TECRL: variants seen among roughly 807,000 people sequenced by gnomAD.
TECRL encodes the protein trans-2,3-enoyl-CoA reductase-like.
A neutral mutation model predicts 52.8 loss-of-function variants in TECRL; 63 were observed. The observed-to-expected ratio is 1.19, with a 90% CI of 0.97 to 1.47. TECRL has a LOEUF of 1.47. Among genes scored for constraint, TECRL ranks in the 40% most tolerant of loss-of-function variants. The pLI is 0.00. For synonymous variants in TECRL, 164 were observed against 141.9 expected, an observed-to-expected ratio of 1.16 and a Z score of -1.10; for missense variants, 482 against 429.6, an observed-to-expected ratio of 1.12 and a Z score of -1.08.
chr4:64,338,068 T>C (rs1429757731), intron 2 of TECRL, among the ~76,000 whole-genome samples: 1 of 152,168 alleles, frequency 6.6e-6, no homozygotes, highest in East Asian at 1.9e-4. Context: ...AGCATGGTAC[T>C]GGTACCAAAA....
At chr4:64,381,664 C>T (rs906530352) in intron 1 of TECRL, among the ~76,000 whole-genome samples, 11 of 151,824 alleles carry the variant, frequency 7.2e-5, no homozygotes, top group African/African-American at 2.7e-4. Context: ...TGCATTTTAT[C>T]CTTCAATCTG....
intron 9 of TECRL, among the ~76,000 whole-genome samples, chr4:64,285,633 T>C (rs1723041383): frequency 6.6e-6 from 1 of 152,116 alleles, no homozygotes; most frequent in African/African-American, 2.4e-5. Flanking sequence ...AATAATGCAT[T>C]GAGTATGTAG....
At chr4:64,287,004 C>G (rs367584464) in intron 9 of TECRL, among the ~76,000 whole-genome samples, 159 of 152,194 alleles carry the variant, frequency 1.0e-3, no homozygotes, top group Middle Eastern at 6.8e-3. Flanking sequence ...ATATTTTTCA[C>G]TTGTGATTCA....
At chr4:64,294,900 A>G (rs2109960820) in intron 8 of TECRL, among the ~76,000 whole-genome samples, 1 of 152,194 alleles carries the variant, frequency 6.6e-6, no homozygotes, top group African/African-American at 2.4e-5. Context: ...CTGATCTTGG[A>G]CAATTTAATT....
rs1235119493 is a variant in TECRL, at chr4:64,314,793, G to A, written c.436-30C>T. The A allele has an allele frequency of 3.5e-6, 5 of 1,443,222 alleles. No homozygotes were observed. The African/African-American group carries it at 4.2e-5, about 12-fold the overall frequency. 89.4% of individuals were successfully genotyped at this position (1,443,222 alleles called of 1,614,324 possible). On this transcript the variant is annotated intron_variant, in intron 4 of 11. Coordinates refer to ENST00000381210, the MANE Select transcript of TECRL (RefSeq NM_001010874.5). ...AAATAAAACATGATTTAGATTAAAC[G>A]ATAAAAATAGATGTTTTTAAGGTTC...
intron 2 of TECRL, among the ~76,000 whole-genome samples, chr4:64,345,649 A>G (rs1455089413): frequency 6.6e-6 from 1 of 151,646 alleles, no homozygotes; most frequent in Non-Finnish European, 1.5e-5. Flanking sequence ...ATGTATACAT[A>G]TGTAACTAAC....
intron 2 of TECRL, among the ~76,000 whole-genome samples, chr4:64,347,831 A>T (rs1275634758): frequency 6.6e-6 from 1 of 152,142 alleles, no homozygotes; most frequent in African/African-American, 2.4e-5. Context: ...GCCAAACCAT[A>T]TCATTTACCC....
intron 5 of TECRL, among the ~76,000 whole-genome samples, chr4:64,313,734 G>T (rs1222588307): frequency 2.0e-5 from 3 of 150,346 alleles, no homozygotes; most frequent in African/African-American, 7.3e-5. Context: ...ACCCGCCTAG[G>T]CCTCCCAAAG....
intron 4 of TECRL, 84 bp downstream of exon 4, chr4:64,322,605 G>A (rs1164966812): frequency 1.1e-6 from 1 of 950,232 alleles, no homozygotes; most frequent in Non-Finnish European, 1.5e-6. Flanking sequence ...TTCGCTATGA[G>A]TTTATTTGAT....
intron 2 of TECRL, among the ~76,000 whole-genome samples, chr4:64,364,141 A>T (rs900737330): frequency 6.6e-6 from 1 of 152,104 alleles, no homozygotes; most frequent in Admixed American, 6.6e-5. Flanking sequence ...GAAATTAAAC[A>T]ATCTGCTCCT....
intron 7 of TECRL, among the ~76,000 whole-genome samples, chr4:64,300,665 C>A (rs893096561): frequency 6.6e-6 from 1 of 150,882 alleles, no homozygotes; most frequent in Non-Finnish European, 1.5e-5. Context: ...TATTTATTAA[C>A]AGTTGCATTC....
At chr4:64,371,776 A>T (rs977573094) in intron 2 of TECRL, among the ~76,000 whole-genome samples, 3 of 151,740 alleles carry the variant, frequency 2.0e-5, no homozygotes, top group African/African-American at 7.2e-5. Context: ...CTATATCTAG[A>T]TAAGATACTG....
intron 6 of TECRL, among the ~76,000 whole-genome samples, chr4:64,305,483 A>T (rs1325660569): frequency 1.3e-5 from 2 of 152,072 alleles, no homozygotes; most frequent in African/African-American, 4.8e-5. Flanking sequence ...GCAGAGAGGG[A>T]GGGTCTCAGA....
At chr4:64,365,811 G>C (rs756131682) in intron 2 of TECRL, among the ~76,000 whole-genome samples, 1 of 151,794 alleles carries the variant, frequency 6.6e-6, no homozygotes, top group African/African-American at 2.4e-5. Flanking sequence ...AGACCAAAGC[G>C]ATGTACAGAC....
intron 4 of TECRL, among the ~76,000 whole-genome samples, chr4:64,320,419 A>C (rs1249950345): frequency 6.6e-6 from 1 of 151,956 alleles, no homozygotes; most frequent in Non-Finnish European, 1.5e-5. Flanking sequence ...TGTAATTGCA[A>C]TGTAATGTGT....
At chr4:64,387,376 A>G (rs749807422) in intron 1 of TECRL, among the ~76,000 whole-genome samples, 15 of 152,278 alleles carry the variant, frequency 9.9e-5, no homozygotes, top group Middle Eastern at 6.8e-3. Flanking sequence ...AAACATCTTT[A>G]TGCAGATTTA....
chr4:64,360,865 T>A (rs4860595), intron 2 of TECRL, among the ~76,000 whole-genome samples: 1 of 152,032 alleles, frequency 6.6e-6, no homozygotes, highest in African/African-American at 2.4e-5. Flanking sequence ...AGATAGAACT[T>A]CCTGGGGAAT....
intron 2 of TECRL, among the ~76,000 whole-genome samples, chr4:64,368,548 C>T (rs1239671136): frequency 6.6e-6 from 1 of 152,134 alleles, no homozygotes; most frequent in Non-Finnish European, 1.5e-5. Context: ...CCCGCCTTGG[C>T]CTCCGAAAGT....
chr4:64,282,623 G>T (rs1038643275), intron 9 of TECRL, among the ~76,000 whole-genome samples: 1 of 151,988 alleles, frequency 6.6e-6, no homozygotes, highest in African/African-American at 2.4e-5. Flanking sequence ...TTCAGAGGCA[G>T]AAGTTTCAGG....
Sources: gnomAD v4.1 joint callset for allele counts (sites outside exome capture counted in the v4.1 genomes callset) on GRCh38, gnomAD v4.1.1 for gene constraint, MANE v1.5 for transcripts, NCBI Gene and HGNC (gene_info 2026-07-23, HGNC 2026-07-21) for gene names.